The following TRABD2B variants were observed in gnomAD, a reference collection of about 807,000 sequenced individuals.
The protein encoded by TRABD2B is TraB domain containing 2B.
Under a neutral mutation model 40.1 loss-of-function variants are expected in TRABD2B, and 14 were observed. The observed-to-expected ratio is 0.35, with a 90% CI of 0.23 to 0.55. The LOEUF (loss-of-function observed/expected upper bound fraction) is 0.55. Ranked by LOEUF, TRABD2B falls within the 20% of genes least tolerant of loss-of-function variation. The pLI, the probability that TRABD2B is intolerant of heterozygous loss-of-function variation, is 0.90. For synonymous variants in TRABD2B, 263 were observed against 277.0 expected, an observed-to-expected ratio of 0.95 and a Z score of 0.50; for missense variants, 541 against 648.6, an observed-to-expected ratio of 0.83 and a Z score of 1.80.
chr1:47,812,972 G>C (rs951806094), intron 2 of TRABD2B, among the ~76,000 whole-genome samples: 1 of 152,134 alleles, frequency 6.6e-6, no homozygotes, highest in Non-Finnish European at 1.5e-5. Context: ...AGCTGACTGA[G>C]GCCCATGGAG....
intron 2 of TRABD2B, among the ~76,000 whole-genome samples, chr1:47,984,527 G>A (rs1645891030): frequency 6.6e-6 from 1 of 152,250 alleles, no homozygotes; most frequent in Admixed American, 6.5e-5. Flanking sequence ...TGAACTGGAG[G>A]TGGAGGGACA....
At chr1:47,839,377 C>G (rs895758772) in intron 2 of TRABD2B, among the ~76,000 whole-genome samples, 1 of 152,284 alleles carries the variant, frequency 6.6e-6, no homozygotes, top group Non-Finnish European at 1.5e-5. Context: ...CACACACTCA[C>G]CCACACAGAA....
chr1:47,965,214 A>T (rs1308384850), intron 2 of TRABD2B, among the ~76,000 whole-genome samples: 2 of 2,770 alleles, frequency 7.2e-4, no homozygotes, highest in African/African-American at 2.6e-3. Context: ...GGGGGGGTGG[A>T]GGGGGGGGTG....
chr1:47,949,592 G>C (rs1047136167), intron 2 of TRABD2B, among the ~76,000 whole-genome samples: 5 of 151,428 alleles, frequency 3.3e-5, no homozygotes, highest in Non-Finnish European at 2.9e-5. Context: ...ATTTTTAGTA[G>C]AGACAAGGTT....
At chr1:47,778,621 T>A in intron 4 of TRABD2B, 77 bp from the exon 5 acceptor site, 2 of 1,063,686 alleles carry the variant, frequency 1.9e-6, no homozygotes, top group African/African-American at 1.6e-5. Context: ...GGCCATCCCC[T>A]AAGTTTGTAT....
At chr1:47,895,739 C>T (rs1030549050) in intron 2 of TRABD2B, among the ~76,000 whole-genome samples, 7 of 152,192 alleles carry the variant, frequency 4.6e-5, no homozygotes, top group Admixed American at 1.3e-4. Context: ...GCCAGAAAGC[C>T]CTTGGGTGAT....
At chr1:47,807,593 T>A (rs1308091270) in intron 2 of TRABD2B, among the ~76,000 whole-genome samples, 1 of 152,194 alleles carries the variant, frequency 6.6e-6, no homozygotes, top group South Asian at 2.1e-4. Flanking sequence ...GTAATTGTGA[T>A]GAGAGTTCCT....
At chr1:47,850,030 C>T (rs557094740) in intron 2 of TRABD2B, among the ~76,000 whole-genome samples, 3 of 152,382 alleles carry the variant, frequency 2.0e-5, no homozygotes, top group East Asian at 3.9e-4. Flanking sequence ...ATTCCCCTGC[C>T]TTGGGTCTTC....
intron 4 of TRABD2B, among the ~76,000 whole-genome samples, chr1:47,780,131 T>C (rs769858519): frequency 6.6e-6 from 1 of 152,158 alleles, no homozygotes; most frequent in Non-Finnish European, 1.5e-5. Context: ...CATGCCTGAC[T>C]ATGTGCCATG....
chr1:47,808,923 G>A (rs1361779623), intron 2 of TRABD2B, among the ~76,000 whole-genome samples: 1 of 152,126 alleles, frequency 6.6e-6, no homozygotes. Context: ...TAGAACTTTA[G>A]CTGTGGTGCA....
chr1:47,887,287 C>CTA (rs1435691551), intron 2 of TRABD2B, among the ~76,000 whole-genome samples: 1 of 152,170 alleles, frequency 6.6e-6, no homozygotes, highest in African/African-American at 2.4e-5. Context: ...GGTCACACAG[C>CTA]TATAAGTGGA....
At chr1:47,885,846 T>C (rs1035808513) in intron 2 of TRABD2B, among the ~76,000 whole-genome samples, 1 of 152,222 alleles carries the variant, frequency 6.6e-6, no homozygotes, top group African/African-American at 2.4e-5. Flanking sequence ...AATGAATTAT[T>C]ATGTCCACAT....
intron 2 of TRABD2B, among the ~76,000 whole-genome samples, chr1:47,871,195 G>A (rs1644135700): frequency 6.6e-6 from 1 of 152,126 alleles, no homozygotes; most frequent in Non-Finnish European, 1.5e-5. Context: ...GTAAGGGGCT[G>A]AGAGTTATGA....
In TRABD2B at chr1:47,943,551, TAGAAG is replaced by T. The variant is rs1247402140; in HGVS notation, c.666+50478_666+50482del. Among the ~76,000 whole-genome samples the T allele has an allele frequency of 3.9e-5, 6 of 152,216 alleles. No individual in the cohort carries two copies. In the East Asian group the frequency reaches 1.2e-3, roughly 29 times the overall value. On this transcript the variant is annotated intron_variant, in intron 2 of 6. Coordinates refer to ENST00000606738, the MANE Select transcript of TRABD2B (RefSeq NM_001194986.2). Reference sequence around the variant, plus strand: ...TTACAGATGGGGAAACAGAGGTCCTTAGAAGGACAGGGTCATATATTCAGCTACTG... The same window carrying T: ...TTACAGATGGGGAAACAGAGGTCCTTGACAGGGTCATATATTCAGCTACTG...
At chr1:47,876,889 T>C (rs890000527) in intron 2 of TRABD2B, among the ~76,000 whole-genome samples, 15 of 152,172 alleles carry the variant, frequency 9.9e-5, no homozygotes, top group Non-Finnish European at 2.1e-4. Flanking sequence ...ATTCCTTCAA[T>C]AACAACTGTC....
In TRABD2B at chr1:47,811,146, T is replaced by C. The variant is rs143268808; in HGVS notation, c.667-9527A>G. Among the ~76,000 whole-genome samples the C allele has an allele frequency of 2.6e-5, 4 of 151,752 alleles. No individual in the cohort carries two copies. In the East Asian group the frequency reaches 7.8e-4, roughly 30 times the overall value. ...TGCTGAGATGTGAAGTCACGGGGAGTCTGGGCAGAAGAACGTGGGGGGAGC... is the reference window on the plus strand; with the variant it reads ...TGCTGAGATGTGAAGTCACGGGGAGCCTGGGCAGAAGAACGTGGGGGGAGC... On this transcript the variant is annotated intron_variant, in intron 2 of 6. Transcript: ENST00000606738.
chr1:47,800,159 T>G (rs571774445), intron 3 of TRABD2B, among the ~76,000 whole-genome samples: 1 of 152,124 alleles, frequency 6.6e-6, no homozygotes, highest in South Asian at 2.1e-4. Context: ...TATGATCTAG[T>G]AGGGAGAGCA....
intron 6 of TRABD2B, among the ~76,000 whole-genome samples, chr1:47,774,205 G>A (rs1438981069): frequency 6.6e-6 from 1 of 152,136 alleles, no homozygotes; most frequent in Admixed American, 6.5e-5. Context: ...GAATAGCCAA[G>A]GTGATTCTCT....
At chr1:47,953,139 G>A (rs1645370234) in intron 2 of TRABD2B, among the ~76,000 whole-genome samples, 1 of 152,108 alleles carries the variant, frequency 6.6e-6, no homozygotes, top group South Asian at 2.1e-4. Flanking sequence ...TGCCACAGAG[G>A]ACTGCCCAGC....
Sources: gnomAD v4.1 joint callset for allele counts (sites outside exome capture counted in the v4.1 genomes callset) on GRCh38, gnomAD v4.1.1 for gene constraint, MANE v1.5 for transcripts, NCBI Gene and HGNC (gene_info 2026-07-23, HGNC 2026-07-21) for gene names.